OTOA: variants seen among roughly 807,000 people sequenced by gnomAD.
The protein encoded by OTOA is otoancorin.
Under a neutral mutation model 110.8 loss-of-function variants are expected in OTOA, and 70 were observed. The observed-to-expected ratio is 0.63, with a 90% confidence interval of 0.52 to 0.77. OTOA has a LOEUF of 0.77. Among genes scored for constraint, OTOA ranks in the 30% least tolerant of loss-of-function variants. The probability of loss-of-function intolerance (pLI) is 0.00; values close to 1 mark genes in which losing one functional copy is unlikely to be tolerated. For synonymous variants in OTOA, 373 were observed against 431.5 expected (o/e 0.86, Z 1.68); for missense variants, 917 against 1,075.8 (o/e 0.85, Z 2.06).
At chr16:21,681,867 T>C (rs1431770147) in intron 6 of OTOA, 42 bp downstream of exon 6, 12 of 1,573,818 alleles carry the variant, frequency 7.6e-6, no homozygotes, top group Non-Finnish European at 1.0e-5. Context: ...ATCTCAGTGC[T>C]CAGGGATTGC....
intron 17 of OTOA, chr16:21,721,424 C>T (rs1314071264): frequency 2.2e-6 from 1 of 455,834 alleles, no homozygotes; most frequent in Non-Finnish European, 4.4e-6. Context: ...GAGCTACTGG[C>T]CTCTAGTGGG....
rs755401766 is a variant in OTOA at position 21,678,648 on chromosome 16, G to GT, written c.91+46dup. On this transcript the variant is annotated intron_variant, in intron 2 of 28. Coordinates refer to ENST00000646100, the MANE Select transcript of OTOA (RefSeq NM_144672.4). ...AATCACCCTTTGTGGTTTCCACACAGTTTAGGGAATGAGGTGGGATAGATA... is the reference window on the plus strand; with the variant it reads ...AATCACCCTTTGTGGTTTCCACACAGTTTTAGGGAATGAGGTGGGATAGATA... 43 of 1,553,026 alleles carry GT rather than the reference G, an allele frequency of 2.8e-5. No individual in the cohort carries two copies. The African/African-American group carries it at 4.4e-4, about 16-fold the overall frequency.
rs142513127 is a variant in OTOA, at chr16:21,709,944, G to A, written c.1161G>A (p.Leu387=). ...AMENQTLNET[L]GSLSDAVVGL... ...AGAACCAGACCCTCAATGAGACCCT[G>A]GGTTCTTTGTCGGATGCAGTTGTAG... Residue 387 remains leucine (L), a synonymous_variant, in exon 13 of 29, where the codon CTG becomes CTA. Coordinates refer to ENST00000646100, the MANE Select transcript of OTOA (RefSeq NM_144672.4). 3.1e-6 allele frequency: 5 copies of A among 1,613,904 alleles called. No individual in the cohort carries two copies. In the African/African-American group the frequency reaches 5.3e-5, roughly 17 times the overall value.
At chr16:21,704,993 G>C (rs1898129326) in intron 11 of OTOA, 176 bp from the exon 12 acceptor site, 4 of 1,002,400 alleles carry the variant, frequency 4.0e-6, no homozygotes, top group Non-Finnish European at 6.4e-6. Flanking sequence ...TGAGCAGTTA[G>C]GTTCCGCCTG....
intron 5 of OTOA, 115 bp downstream of exon 5, chr16:21,679,326 A>C: frequency 8.5e-7 from 1 of 1,172,754 alleles, no homozygotes; most frequent in Non-Finnish European, 1.2e-6. Flanking sequence ...AATGTCAATC[A>C]ATGCACAATG....
At chr16:21,722,849 C>T in intron 17 of OTOA, 56 bp from the exon 18 acceptor site, 4 of 1,488,190 alleles carry the variant, frequency 2.7e-6, no homozygotes, top group South Asian at 1.1e-5. Context: ...ATGGAAAGCA[C>T]TGTGTTTGTT....
chr16:21,674,529 T>C (rs949429381), intron 1 of OTOA, among the ~76,000 whole-genome samples: 4 of 152,150 alleles, frequency 2.6e-5, no homozygotes, highest in Non-Finnish European at 4.4e-5. Flanking sequence ...AGATGGGGTT[T>C]CACCATGTTG....
At chr16:21,704,356 T>C (rs1193599789) in intron 11 of OTOA, among the ~76,000 whole-genome samples, 1 of 152,138 alleles carries the variant, frequency 6.6e-6, no homozygotes, top group Non-Finnish European at 1.5e-5. Flanking sequence ...CCGGCACCTT[T>C]CTTTCCTTAT....
At position 21,666,613 on chromosome 16, in the gene OTOA, C is replaced by A. The variant is rs569256165; in HGVS notation, c.-5+2381C>A. 6.6e-5 allele frequency among the ~76,000 whole-genome samples: 10 copies of A among 152,210 alleles called. No individual in the cohort carries two copies. In the South Asian group the frequency reaches 2.1e-3, roughly 32 times the overall value. On this transcript the variant is annotated intron_variant, in intron 1 of 28. Coordinates refer to ENST00000646100, the MANE Select transcript of OTOA (RefSeq NM_144672.4). ...TCATAGTTTCTCAGGAAATTGTCTT[C>A]ATTTCAGGTTTGTGGTTATTGTTGC...
chr16:21,704,888 G>C (rs1227939983), intron 11 of OTOA: 1 of 776,866 alleles, frequency 1.3e-6, no homozygotes, highest in Non-Finnish European at 2.4e-6. Flanking sequence ...ATTGGATCAT[G>C]CCATGAGGTG....
At chr16:21,702,314 A>G (rs1567376065) in intron 11 of OTOA, among the ~76,000 whole-genome samples, 1 of 152,066 alleles carries the variant, frequency 6.6e-6, no homozygotes. Flanking sequence ...CCCATCCCAT[A>G]TTACCTTAAG....
In OTOA at chr16:21,676,270, AT is replaced by A. The variant is rs541527934; in HGVS notation, c.-4-2231del. 1.5e-3 allele frequency among the ~76,000 whole-genome samples: 217 copies of A among 148,462 alleles called. 1 individual carries two copies. The highest frequency in any genetic ancestry group is 2.4e-3 in the Non-Finnish European group (163 of 66,930). On this transcript the variant is annotated intron_variant, in intron 1 of 28. Transcript: ENST00000646100. ...GACACTTCGGATTTTACATTGCTGG[AT>A]TTTTTTTTTCTTTTTTTTCTTTCTC...
chr16:21,683,306 G>A (rs984479674), intron 6 of OTOA, among the ~76,000 whole-genome samples: 12 of 152,280 alleles, frequency 7.9e-5, no homozygotes, highest in African/African-American at 1.7e-4. Context: ...CTGAATCCTC[G>A]TAATAACTCT....
At chr16:21,678,995 C>G in intron 3 of OTOA, 41 bp from the exon 4 acceptor site, 1 of 1,613,828 alleles carries the variant, frequency 6.2e-7, no homozygotes, top group Non-Finnish European at 8.5e-7. Context: ...GAATTGCCAA[C>G]TTTTGGTTGT....
chr16:21,731,473 C>T (rs538560836), intron 21 of OTOA, among the ~76,000 whole-genome samples: 17 of 152,316 alleles, frequency 1.1e-4, no homozygotes, highest in Admixed American at 2.6e-4. Context: ...TAGAACAATT[C>T]GCATATGTTC....
intron 1 of OTOA, among the ~76,000 whole-genome samples, chr16:21,665,103 G>A (rs746671591): frequency 2.6e-5 from 4 of 152,186 alleles, no homozygotes; most frequent in Non-Finnish European, 4.4e-5. Context: ...TAGAGGTTAA[G>A]GAATTTGCCC....
rs1203324326 is a variant in OTOA, at chr16:21,704,223, C to T, written c.981-946C>T. Among the ~76,000 whole-genome samples, 4 of 152,172 alleles carry T rather than the reference C, an allele frequency of 2.6e-5. 1 individual carries two copies. Among genetic ancestry groups the T allele is most frequent in the Non-Finnish European group, 5.9e-5 (4 of 68,040 alleles). On this transcript the variant is annotated intron_variant, in intron 11 of 28. Transcript: ENST00000646100. ...TGTTTTCCTTCTGAAATCTTTGCAT[C>T]ATCTGGGTGGGTACCAGAAGGCATC...
At chr16:21,707,202 G>A (rs1461672009) in intron 12 of OTOA, among the ~76,000 whole-genome samples, 2 of 151,834 alleles carry the variant, frequency 1.3e-5, no homozygotes, top group African/African-American at 2.4e-5. Flanking sequence ...AAAAGAATCC[G>A]TCCTAAGCAA....
intron 1 of OTOA, among the ~76,000 whole-genome samples, chr16:21,668,553 C>T (rs1966845099): frequency 2.0e-5 from 3 of 150,380 alleles, no homozygotes; most frequent in South Asian, 2.1e-4. Flanking sequence ...CTCTGCCTCC[C>T]GGGTTCAAGA....
Sources: gnomAD v4.1 joint callset for allele counts (sites outside exome capture counted in the v4.1 genomes callset) on GRCh38, gnomAD v4.1.1 for gene constraint, MANE v1.5 for transcripts, NCBI Gene and HGNC (gene_info 2026-07-23, HGNC 2026-07-21) for gene names.